DCDC1: variants seen among roughly 807,000 people sequenced by gnomAD.
The protein encoded by DCDC1 is doublecortin domain containing 1.
A neutral mutation model predicts 178.3 loss-of-function variants in DCDC1; 200 were observed. The ratio of observed to expected loss-of-function variants is 1.12; its 90% CI spans 1.00 to 1.26. DCDC1 has a LOEUF of 1.26. DCDC1 is among the 50% of genes most tolerant of loss of function. The pLI, the probability that DCDC1 is intolerant of heterozygous loss-of-function variation, is 0.00. For synonymous variants in DCDC1, 690 were observed against 604.8 expected, an observed-to-expected ratio of 1.14 and a Z score of -2.07; for missense variants, 1,983 against 1,749.2, an observed-to-expected ratio of 1.13 and a Z score of -2.38.
chr11:31,104,809 A>G (rs181361566), intron 13 of DCDC1, among the ~76,000 whole-genome samples: 2 of 152,234 alleles, frequency 1.3e-5, no homozygotes, highest in East Asian at 3.9e-4. Flanking sequence ...TATAACAGGT[A>G]AAACAAATGT....
At chr11:31,321,318 G>A (rs1367549870) in intron 3 of DCDC1, among the ~76,000 whole-genome samples, 1 of 117,614 alleles carries the variant, frequency 8.5e-6, no homozygotes, top group African/African-American at 3.3e-5. Context: ...TTCCGTGGGC[G>A]TAGGACCCTC....
chr11:31,308,878 T>G (rs1948608397), intron 3 of DCDC1, among the ~76,000 whole-genome samples: 1 of 152,118 alleles, frequency 6.6e-6, no homozygotes, highest in Non-Finnish European at 1.5e-5. Context: ...CCAAATCTGC[T>G]TCTTTCCAAT....
intron 7 of DCDC1, among the ~76,000 whole-genome samples, chr11:31,281,577 G>A (rs921848030): frequency 5.3e-5 from 8 of 152,036 alleles, no homozygotes; most frequent in African/African-American, 1.7e-4. Flanking sequence ...TAAACCAACT[G>A]ATATGGTTTG....
intron 9 of DCDC1, among the ~76,000 whole-genome samples, chr11:31,157,321 T>C (rs1303755400): frequency 7.1e-6 from 1 of 141,240 alleles, no homozygotes; most frequent in East Asian, 2.1e-4. Flanking sequence ...AGCCCAGGAG[T>C]TCAAGGTTAC....
intron 9 of DCDC1, among the ~76,000 whole-genome samples, chr11:31,211,677 C>T (rs1440206451): frequency 6.6e-6 from 1 of 152,090 alleles, no homozygotes; most frequent in Non-Finnish European, 1.5e-5. Context: ...GTTTTCCTTT[C>T]GTATTTTCTG....
intron 20 of DCDC1, among the ~76,000 whole-genome samples, chr11:30,965,706 G>A (rs1478477719): frequency 2.8e-5 from 4 of 142,960 alleles, no homozygotes; most frequent in African/African-American, 5.3e-5. Context: ...AGCCACTAAC[G>A]TGTCATCTAG....
In DCDC1 at chr11:30,881,204, A is replaced by G. The variant is rs565249735; in HGVS notation, c.5187T>C (p.Asp1729=). 143 of 1,613,510 alleles carry G rather than the reference A, an allele frequency of 8.9e-5. No homozygotes were observed. The highest frequency in any genetic ancestry group is 1.7e-4 in the Admixed American group (10 of 59,950). Residue 1729 remains aspartate (D), a synonymous_variant, in exon 37 of 39, where the codon GAT becomes GAC. Transcript: ENST00000684477. ...GTCCCATAGACACACAGATGACCAT[A>G]TCTCGCTCTATGTCGTCCCAGGACT... The part of the protein sequence containing the change: ...PIQSWDDIER[D]MVICVSMGHG...
In DCDC1 at chr11:31,065,147, G is replaced by A. The variant is rs777069834; in HGVS notation, c.2305C>T (p.Pro769Ser). Residue 769 changes from proline to serine, a missense_variant, in exon 19 of 39, where the codon CCT (proline) becomes TCT (serine). Transcript: ENST00000684477. The stretch of plus-strand genomic sequence containing the variant: ...TCTAGGTAGGTCAGAACAAACTGAG[G>A]ATAAGCCTGTAAGAAAGGAAAAAAT... The part of the protein sequence containing the change: ...TDGCIYSKAY[P>S]QFVLTYLEEL... 2 of 752,310 alleles carry A rather than the reference G, an allele frequency of 2.7e-6. No individual in the cohort carries two copies. Among genetic ancestry groups the A allele is most frequent in the Non-Finnish European group, 4.8e-6 (2 of 413,898 alleles). 46.6% of individuals were successfully genotyped at this position (752,310 alleles called of 1,614,324 possible).
chr11:31,281,078 C>G, intron 7 of DCDC1: 1 of 443,408 alleles, frequency 2.3e-6, no homozygotes, highest in Non-Finnish European at 4.3e-6. Context: ...TTGTCACTAG[C>G]ATATAGAATT....
chr11:31,167,587 C>G (rs1425351633), intron 9 of DCDC1, among the ~76,000 whole-genome samples: 2 of 152,176 alleles, frequency 1.3e-5, no homozygotes, highest in East Asian at 3.9e-4. Context: ...ACTACCTCTT[C>G]TCACCAATCT....
In DCDC1 at chr11:31,228,226, T is replaced by C. The variant is rs1409807220; in HGVS notation, c.1221+13224A>G. On this transcript the variant is annotated intron_variant, in intron 9 of 38. Coordinates refer to ENST00000684477, the MANE Select transcript of DCDC1 (RefSeq NM_001387274.1). The stretch of plus-strand genomic sequence containing the variant: ...CAAAGGATTAAAATTATACATAGTA[T>C]GTTATCTGACCACAATGGAAACTAG... Among the ~76,000 whole-genome samples, 4 of 152,210 alleles carry C rather than the reference T, an allele frequency of 2.6e-5. No homozygotes were observed. The East Asian group carries it at 7.7e-4, about 29-fold the overall frequency.
At chr11:31,020,726 C>G (rs967978825) in intron 20 of DCDC1, among the ~76,000 whole-genome samples, 1 of 152,106 alleles carries the variant, frequency 6.6e-6, no homozygotes, top group African/African-American at 2.4e-5. Context: ...CATGAGCCAC[C>G]GCACTTCTCC....
chr11:31,152,722 A>C (rs1965297349), intron 9 of DCDC1, among the ~76,000 whole-genome samples: 1 of 152,146 alleles, frequency 6.6e-6, no homozygotes, highest in South Asian at 2.1e-4. Context: ...TCCACTCTGC[A>C]CCTGTGGCCA....
intron 9 of DCDC1, among the ~76,000 whole-genome samples, chr11:31,159,029 A>C (rs537766499): frequency 3.5e-4 from 54 of 152,294 alleles, no homozygotes; most frequent in Admixed American, 8.5e-4. Flanking sequence ...AAAAAACCCC[A>C]AAAAATACCA....
chr11:31,328,414 G>T, intron 2 of DCDC1, 128 bp from the exon 3 acceptor site: 2 of 883,496 alleles, frequency 2.3e-6, no homozygotes, highest in Non-Finnish European at 3.2e-6. Context: ...ATGATTAAAT[G>T]TGAAATTCCC....
At chr11:30,970,014 G>T (rs774781599) in intron 20 of DCDC1, among the ~76,000 whole-genome samples, 81 of 152,262 alleles carry the variant, frequency 5.3e-4, no homozygotes, top group Admixed American at 2.9e-3. Flanking sequence ...ATTCAACAGA[G>T]AAGTAACAGA....
intron 1 of DCDC1, among the ~76,000 whole-genome samples, chr11:31,349,881 GTATGTTACTAAATATTTAC>G (rs1161673827): frequency 3.9e-5 from 6 of 152,198 alleles, no homozygotes; most frequent in East Asian, 1.9e-4. Flanking sequence ...CTGAATGAGC[GTATGTTACTAAATATTTAC>G]TATGTTACTA....
chr11:31,276,473 A>T (rs1041968686), intron 7 of DCDC1, among the ~76,000 whole-genome samples: 13 of 152,032 alleles, frequency 8.6e-5, no homozygotes, highest in Non-Finnish European at 1.9e-4. Flanking sequence ...GTTTTTATAG[A>T]ATTTTTTTTT....
intron 9 of DCDC1, among the ~76,000 whole-genome samples, chr11:31,216,688 C>G (rs977489994): frequency 8.5e-5 from 13 of 152,230 alleles, no homozygotes; most frequent in African/African-American, 3.1e-4. Context: ...CATCCCAATG[C>G]TTACCTCATA....
Sources: gnomAD v4.1 joint callset for allele counts (sites outside exome capture counted in the v4.1 genomes callset) on GRCh38, gnomAD v4.1.1 for gene constraint, MANE v1.5 for transcripts, NCBI Gene and HGNC (gene_info 2026-07-23, HGNC 2026-07-21) for gene names.